Variants in RORA observed in about 807,000 individuals in gnomAD.
The protein encoded by RORA is nuclear receptor ROR-alpha.
Under a neutral mutation model 69.5 loss-of-function variants are expected in RORA, and 7 were observed. The ratio of observed to expected loss-of-function variants is 0.10; its 90% confidence interval spans 0.06 to 0.19. RORA has a LOEUF of 0.19. Ranked by LOEUF, RORA falls within the 10% of genes least tolerant of loss-of-function variation. RORA has a pLI of 1.00. For synonymous variants in RORA, 261 were observed against 240.8 expected (o/e 1.08, Z -0.78); for missense variants, 457 against 663.0 (o/e 0.69, Z 3.41).
intron 1 of RORA, among the ~76,000 whole-genome samples, chr15:60,698,963 T>C (rs2070944677): frequency 6.6e-6 from 1 of 152,154 alleles, no homozygotes; most frequent in African/African-American, 2.4e-5. Flanking sequence ...CACTTTTGTA[T>C]TGTGGTATTA....
At chr15:61,077,397 A>C (rs996820798) in intron 1 of RORA, among the ~76,000 whole-genome samples, 2 of 152,180 alleles carry the variant, frequency 1.3e-5, no homozygotes, top group Non-Finnish European at 2.9e-5. Flanking sequence ...TTTACCTTGA[A>C]AGACACGTCC....
chr15:60,588,483 G>T (rs529056381), intron 2 of RORA, among the ~76,000 whole-genome samples: 4 of 108,052 alleles, frequency 3.7e-5, no homozygotes, highest in South Asian at 2.9e-4. Flanking sequence ...CATCCATCCA[G>T]TAACTTTTCT....
chr15:61,004,677 T>A (rs1241141311), intron 1 of RORA, among the ~76,000 whole-genome samples: 1 of 152,170 alleles, frequency 6.6e-6, no homozygotes, highest in Non-Finnish European at 1.5e-5. Flanking sequence ...TTATGCCTCC[T>A]GCAGAAAACA....
At chr15:61,160,602 T>C (rs1406143951) in intron 1 of RORA, among the ~76,000 whole-genome samples, 2 of 152,160 alleles carry the variant, frequency 1.3e-5, no homozygotes, top group African/African-American at 4.8e-5. Flanking sequence ...TGCTTGCCCA[T>C]AGCTGGTGCT....
intron 1 of RORA, among the ~76,000 whole-genome samples, chr15:61,172,555 T>C (rs2079594644): frequency 6.6e-6 from 1 of 152,158 alleles, no homozygotes; most frequent in African/African-American, 2.4e-5. Flanking sequence ...TCAAGGGGGA[T>C]AGGTCTCAGG....
At chr15:61,116,699 C>T (rs956112608) in intron 1 of RORA, among the ~76,000 whole-genome samples, 9 of 152,156 alleles carry the variant, frequency 5.9e-5, no homozygotes, top group Non-Finnish European at 1.3e-4. Flanking sequence ...GAGAGGTGAA[C>T]TGGGTGCTGG....
At chr15:60,833,344 T>C (rs2073073721) in intron 1 of RORA, among the ~76,000 whole-genome samples, 1 of 152,112 alleles carries the variant, frequency 6.6e-6, no homozygotes, top group Non-Finnish European at 1.5e-5. Flanking sequence ...GCCTCCTCAG[T>C]AGCTGGGATT....
chr15:60,881,684 G>A (rs2073682351), intron 1 of RORA, among the ~76,000 whole-genome samples: 1 of 152,038 alleles, frequency 6.6e-6, no homozygotes, highest in Non-Finnish European at 1.5e-5. Flanking sequence ...AAAACAGGGT[G>A]ACTTTTTCTG....
At chr15:61,003,150 G>A (rs1894798813) in intron 1 of RORA, among the ~76,000 whole-genome samples, 1 of 149,314 alleles carries the variant, frequency 6.7e-6, no homozygotes. Context: ...AAAAAAAAAG[G>A]AAAAAAAAGA....
chr15:60,794,167 C>A (rs564188283), intron 1 of RORA, among the ~76,000 whole-genome samples: 4 of 152,166 alleles, frequency 2.6e-5, no homozygotes, highest in African/African-American at 9.7e-5. Flanking sequence ...ATGCCACATT[C>A]ATATAATTAT....
intron 1 of RORA, among the ~76,000 whole-genome samples, chr15:61,098,252 CCT>C (rs2078825450): frequency 6.8e-6 from 1 of 147,516 alleles, no homozygotes; most frequent in African/African-American, 2.5e-5. Flanking sequence ...CTCCCTCCCC[CCT>C]TTTTTTCTCC....
At chr15:60,814,936 C>T (rs1025558702) in intron 1 of RORA, among the ~76,000 whole-genome samples, 1 of 152,156 alleles carries the variant, frequency 6.6e-6, no homozygotes, top group Non-Finnish European at 1.5e-5. Flanking sequence ...GGTTTCTCAA[C>T]CCTGTAGGTT....
In RORA at chr15:61,059,979, AGAG is replaced by A. The variant is rs1428723158; in HGVS notation, c.166+169071_166+169073del. On this transcript the variant is annotated intron_variant, in intron 1 of 10. Coordinates refer to ENST00000335670, the MANE Select transcript of RORA (RefSeq NM_134261.3). ...AAGAAGAAGAGGAAGAGGAAGAGGA[AGAG>A]GAAGAGGAAGAAGAAGAAGAAGAAG... Among the ~76,000 whole-genome samples the A allele has an allele frequency of 2.7e-3, 347 of 127,574 alleles. 1 individual carries two copies. Among genetic ancestry groups the A allele is most frequent in the African/African-American group, 4.9e-3 (158 of 32,094 alleles). 83.7% of individuals were successfully genotyped at this position (127,574 alleles called of 152,430 possible).
At chr15:61,081,078 G>A (rs972871892) in intron 1 of RORA, among the ~76,000 whole-genome samples, 16 of 152,148 alleles carry the variant, frequency 1.1e-4, no homozygotes, top group Admixed American at 8.5e-4. Context: ...AAAGTACCTC[G>A]TTCTGCCCCA....
At chr15:61,140,644 T>A (rs911277448) in intron 1 of RORA, among the ~76,000 whole-genome samples, 1 of 151,864 alleles carries the variant, frequency 6.6e-6, no homozygotes. Context: ...CCCAAAACTT[T>A]AGCAAGGAAT....
At chr15:60,791,106 C>A (rs11637041) in intron 1 of RORA, among the ~76,000 whole-genome samples, 69,652 of 151,798 alleles carry the variant, frequency 0.46, 16,114 homozygotes, top group Middle Eastern at 0.56. Flanking sequence ...TAGAATCAAA[C>A]GTACATAAAA....
At chr15:60,670,838 C>T (rs1022465361) in intron 2 of RORA, among the ~76,000 whole-genome samples, 1 of 151,992 alleles carries the variant, frequency 6.6e-6, no homozygotes, top group African/African-American at 2.4e-5. Context: ...ATAAAGAAAT[C>T]AGTGTAAAAA....
chr15:60,974,696 C>T (rs1893827436), intron 1 of RORA, among the ~76,000 whole-genome samples: 1 of 152,152 alleles, frequency 6.6e-6, no homozygotes, highest in Admixed American at 6.5e-5. Context: ...AAACAAGGCC[C>T]CCCAAAGCCA....
intron 1 of RORA, among the ~76,000 whole-genome samples, chr15:60,833,383 T>C (rs973780220): frequency 2.6e-5 from 4 of 151,944 alleles, no homozygotes; most frequent in Admixed American, 1.3e-4. Flanking sequence ...GCCTGGCTAA[T>C]TTTTGTATTT....
Sources: gnomAD v4.1 joint callset for allele counts (sites outside exome capture counted in the v4.1 genomes callset) on GRCh38, gnomAD v4.1.1 for gene constraint, MANE v1.5 for transcripts, NCBI Gene and HGNC (gene_info 2026-07-23, HGNC 2026-07-21) for gene names.